PLCH1: variants seen among roughly 807,000 people sequenced by gnomAD.
PLCH1 encodes the protein phospholipase C eta 1, also known as 1-phosphatidylinositol 4,5-bisphosphate phosphodiesterase eta-1.
PLCH1 carries 60 observed loss-of-function variants against 126.7 expected under a neutral mutation model. The observed-to-expected ratio is 0.47, with a 90% CI of 0.38 to 0.59. The LOEUF is 0.59. Ranked by LOEUF, PLCH1 falls within the 20% of genes least tolerant of loss-of-function variation. PLCH1 has a pLI of 0.00. For missense variants in PLCH1, 1,723 were observed against 2,040.0 expected (o/e 0.84, Z 2.99); for synonymous variants, 719 against 734.9 (o/e 0.98, Z 0.35).
intron 1 of PLCH1, among the ~76,000 whole-genome samples, chr3:155,718,753 C>T (rs548400552): frequency 6.6e-6 from 1 of 152,210 alleles, no homozygotes; most frequent in South Asian, 2.1e-4. Flanking sequence ...ATACCTCCCA[C>T]CAGACCTTAA....
chr3:155,620,195 T>C (rs1249278706), intron 2 of PLCH1, among the ~76,000 whole-genome samples: 1 of 152,034 alleles, frequency 6.6e-6, no homozygotes, highest in Non-Finnish European at 1.5e-5. Context: ...TAAGAGCAGA[T>C]GTGTTACAAC....
intron 2 of PLCH1, among the ~76,000 whole-genome samples, chr3:155,641,309 C>A (rs981480290): frequency 6.6e-6 from 1 of 151,400 alleles, no homozygotes; most frequent in South Asian, 2.1e-4. Flanking sequence ...TATAACCTGT[C>A]TTTATAGATT....
rs139241439 is a variant in PLCH1 at position 155,684,021 on chromosome 3, A to T, written c.79+20125T>A. 5.8e-3 allele frequency among the ~76,000 whole-genome samples: 881 copies of T among 152,326 alleles called. 12 individuals are homozygous for T. The highest frequency in any genetic ancestry group is 0.02 in the African/African-American group (835 of 41,566). ...TTGGACGTACCTGATATCTTAATAC[A>T]GGATATTTTATCATGCCTTAATCTG... is the stretch of plus-strand genomic sequence containing the variant. On this transcript the variant is annotated intron_variant, in intron 2 of 22. Coordinates refer to ENST00000460012, the MANE Select transcript of PLCH1 (RefSeq NM_014996.4).
At chr3:155,520,190 T>C (rs935990224) in intron 11 of PLCH1, among the ~76,000 whole-genome samples, 3 of 152,180 alleles carry the variant, frequency 2.0e-5, no homozygotes, top group Non-Finnish European at 4.4e-5. Flanking sequence ...AATGAATGCT[T>C]TCAACAGCAA....
chr3:155,636,551 C>A (rs67428377), intron 2 of PLCH1, among the ~76,000 whole-genome samples: 34,442 of 151,748 alleles, frequency 0.23, 4,441 homozygotes, highest in East Asian at 0.44. Flanking sequence ...AGTTCAAGAC[C>A]AGCTGGCTAA....
At position 155,661,727 on chromosome 3, in the gene PLCH1, A is replaced by G. The variant is rs193024993; in HGVS notation, c.79+42419T>C. On this transcript the variant is annotated intron_variant, in intron 2 of 22. Transcript: ENST00000460012. ...TTTTTATTTCCCACCTCATTCATATAAAAAAGATAACCCACAGAGTTATGC... is the reference window on the plus strand; with the variant it reads ...TTTTTATTTCCCACCTCATTCATATGAAAAAGATAACCCACAGAGTTATGC... 3.9e-5 allele frequency among the ~76,000 whole-genome samples: 6 copies of G among 152,280 alleles called. No homozygotes were observed. The East Asian group carries it at 9.6e-4, about 24-fold the overall frequency.
At chr3:155,706,572 A>T (rs2109090163) in intron 1 of PLCH1, among the ~76,000 whole-genome samples, 2 of 151,534 alleles carry the variant, frequency 1.3e-5, no homozygotes, top group East Asian at 3.9e-4. Context: ...GTGAGCTGAG[A>T]TCCTGCCACT....
intron 2 of PLCH1, among the ~76,000 whole-genome samples, chr3:155,611,323 G>A (rs1735064875): frequency 6.6e-6 from 1 of 152,064 alleles, no homozygotes; most frequent in African/African-American, 2.4e-5. Context: ...CTGGGAGGCG[G>A]AGGTTGCAGT....
At chr3:155,536,183 A>G (rs1376409467) in intron 10 of PLCH1, among the ~76,000 whole-genome samples, 2 of 152,232 alleles carry the variant, frequency 1.3e-5, no homozygotes. Flanking sequence ...GCAGCCTTTG[A>G]ATACCAGATC....
At chr3:155,565,167 T>C (rs1439025358) in intron 7 of PLCH1, 49 bp from the exon 8 acceptor site, 1 of 1,311,150 alleles carries the variant, frequency 7.6e-7, no homozygotes, top group Non-Finnish European at 1.1e-6. Context: ...GCATATATAC[T>C]TAATGGCTCT....
rs773264600 is a variant in PLCH1, at chr3:155,482,514, T to C, written c.3512A>G (p.His1171Arg). Residue 1171 changes from histidine (H) to arginine (R), a missense_variant, in exon 23 of 23, where the codon CAT (histidine) becomes CGT (arginine). Around this residue, in one of 2 missense-constraint regions of PLCH1, gnomAD observed 947 missense variants for 977.1 expected, o/e 0.97. Coordinates refer to ENST00000460012, the MANE Select transcript of PLCH1 (RefSeq NM_014996.4). ...TAILQESVIS[H>R]LIDNVTLTNE... ...TGTTAAAGTGACATTGTCAATAAGA[T>C]GGGAAATTACACTCTCCTGCAGAAT... 1 of 1,614,134 alleles carries C rather than the reference T, an allele frequency of 6.2e-7. No individual in the cohort carries two copies. Among genetic ancestry groups the C allele is most frequent in the Admixed American group, 1.7e-5 (1 of 60,026 alleles).
At chr3:155,721,229 A>G (rs551924441) in intron 1 of PLCH1, among the ~76,000 whole-genome samples, 16 of 151,884 alleles carry the variant, frequency 1.1e-4, no homozygotes, top group Non-Finnish European at 1.8e-4. Context: ...AAGTTTTAGG[A>G]TTGTTTTTTC....
chr3:155,587,824 C>T (rs1731584844), intron 4 of PLCH1, among the ~76,000 whole-genome samples: 1 of 152,046 alleles, frequency 6.6e-6, no homozygotes. Context: ...AGGATTTTTT[C>T]AAATGGATGA....
rs376663359 is a variant in PLCH1, at chr3:155,481,685, G to C, written c.4341C>G (p.Phe1447Leu). The part of the protein sequence containing the change: ...NHFSDSDAKM[F>L]QTCVPQQSSA... Reference sequence around the variant, plus strand: ...TAGATTGCTGGGGCACACAGGTCTGGAACATTTTTGCATCTGAATCTGAGA... The same window carrying C: ...TAGATTGCTGGGGCACACAGGTCTGCAACATTTTTGCATCTGAATCTGAGA... The change falls in exon 23 of 23, where the codon TTC (phenylalanine) becomes TTG (leucine). Residue 1447 changes from phenylalanine to leucine, a missense_variant. Phe to Leu is a conservative substitution (Grantham distance 22). Transcript: ENST00000460012. This position sits in a 1 kb window ranked among gnomAD's most constrained non-coding sequence, Gnocchi z 4.2. The C allele has an allele frequency of 1.1e-5, 17 of 1,614,014 alleles. No individual in the cohort carries two copies. The African/African-American group carries it at 2.1e-4, about 20-fold the overall frequency.
chr3:155,634,699 A>G (rs2108827557), intron 2 of PLCH1, among the ~76,000 whole-genome samples: 1 of 152,342 alleles, frequency 6.6e-6, no homozygotes, highest in Non-Finnish European at 1.5e-5. Context: ...GGCATGAGAA[A>G]GTAAACCCAG....
intron 12 of PLCH1, among the ~76,000 whole-genome samples, chr3:155,505,013 G>A (rs758871667): frequency 2.0e-5 from 3 of 152,130 alleles, no homozygotes; most frequent in Non-Finnish European, 2.9e-5. Flanking sequence ...CAGTTAAGTA[G>A]GGATTCAGTT....
chr3:155,492,827 G>A lies in PLCH1; in HGVS notation c.2209C>T (p.Pro737Ser), dbSNP rs748511016. Residue 737 changes from proline to serine, a missense_variant, in exon 18 of 23, where the codon CCT (proline) becomes TCT (serine). Coordinates refer to ENST00000460012, the MANE Select transcript of PLCH1 (RefSeq NM_014996.4). ...TGCTTTTTGGGGTTGGCAGGAAGAG[G>A]GTCACCAGAGAAAGGGTTGAAAGTA... ...KGTFNPFSGDPLPANPKKQLI... is the reference protein window; with the variant it reads ...KGTFNPFSGDSLPANPKKQLI... 1 of 1,600,972 alleles carries A rather than the reference G, an allele frequency of 6.2e-7. No homozygotes were observed. Among genetic ancestry groups the A allele is most frequent in the South Asian group, 1.1e-5 (1 of 88,396 alleles).
intron 6 of PLCH1, among the ~76,000 whole-genome samples, chr3:155,575,813 C>T (rs771763129): frequency 2.6e-4 from 39 of 152,070 alleles, no homozygotes; most frequent in Admixed American, 2.6e-3. Flanking sequence ...AGCACCACCA[C>T]ACCCAACTAA....
rs184578390 is a variant in PLCH1, at chr3:155,571,288, T to C, written c.772-2964A>G. Among the ~76,000 whole-genome samples the C allele has an allele frequency of 1.1e-4, 16 of 152,314 alleles. No individual in the cohort carries two copies. The East Asian group carries it at 2.5e-3, about 24-fold the overall frequency. Reference sequence around the variant, plus strand: ...GCTTATTTTTATCAAAGGGTTATATTTGTAACTAAATAAGTCAAAACTAAG... The same window carrying C: ...GCTTATTTTTATCAAAGGGTTATATCTGTAACTAAATAAGTCAAAACTAAG... On this transcript the variant is annotated intron_variant, in intron 6 of 22. Transcript: ENST00000460012.
Sources: gnomAD v4.1 joint callset for allele counts (sites outside exome capture counted in the v4.1 genomes callset) on GRCh38, gnomAD v4.1.1 for gene constraint, gnomAD v4.1.1 regional missense constraint, Gnocchi (gnomAD v3.1) non-coding constraint, MANE v1.5 for transcripts, NCBI Gene and HGNC (gene_info 2026-07-23, HGNC 2026-07-21) for gene names.